The following NCOA6 variants were observed in gnomAD, a reference collection of about 807,000 sequenced individuals.
NCOA6 encodes NRC RAP250.
Under a neutral mutation model 171.4 loss-of-function variants are expected in NCOA6, and 49 were observed. The observed-to-expected ratio is 0.29, with a 90% CI of 0.23 to 0.36. The LOEUF (loss-of-function observed/expected upper bound fraction) is 0.36, where lower values mean the gene tolerates loss of function less well. NCOA6 is among the 10% of genes least tolerant of loss of function. NCOA6 has a pLI of 1.00. For synonymous variants in NCOA6, 910 were observed against 927.5 expected (o/e 0.98, Z 0.34); for missense variants, 2,248 against 2,554.5 (o/e 0.88, Z 2.59).
chr20:34,761,048 C>T (rs1262963231), intron 5 of NCOA6, among the ~76,000 whole-genome samples: 1 of 151,992 alleles, frequency 6.6e-6, no homozygotes, highest in Non-Finnish European at 1.5e-5. Flanking sequence ...TGGTAAAACC[C>T]CTGTCTCTAG....
intron 14 of NCOA6, among the ~76,000 whole-genome samples, chr20:34,722,254 G>A (rs1989462176): frequency 6.6e-6 from 1 of 151,416 alleles, no homozygotes; most frequent in South Asian, 2.1e-4. Flanking sequence ...GGTGGTACGC[G>A]CCTGTAATCC....
intron 1 of NCOA6, among the ~76,000 whole-genome samples, chr20:34,821,963 C>T (rs1409924850): frequency 6.6e-6 from 1 of 152,210 alleles, no homozygotes. Context: ...CTAAGCCACT[C>T]ACAATGTCAA....
chr20:34,754,302 T>C (rs2076580550), intron 8 of NCOA6, among the ~76,000 whole-genome samples: 1 of 152,240 alleles, frequency 6.6e-6, no homozygotes, highest in Admixed American at 6.5e-5. Context: ...CAGCAAACTA[T>C]GGCCCTCTGC....
chr20:34,753,793 T>C (rs2076565612), intron 8 of NCOA6, among the ~76,000 whole-genome samples: 1 of 152,218 alleles, frequency 6.6e-6, no homozygotes, highest in African/African-American at 2.4e-5. Flanking sequence ...TAGTGTGAAC[T>C]TTTTTTGTAA....
intron 1 of NCOA6, among the ~76,000 whole-genome samples, chr20:34,807,571 G>A (rs1362605765): frequency 2.0e-5 from 3 of 152,064 alleles, no homozygotes; most frequent in African/African-American, 7.2e-5. Flanking sequence ...TGTCGCTCAG[G>A]CTGGAGCACA....
intron 1 of NCOA6, among the ~76,000 whole-genome samples, chr20:34,802,075 C>CA (rs2078273198): frequency 2.0e-5 from 3 of 152,092 alleles, no homozygotes; most frequent in Admixed American, 2.0e-4. Context: ...ATACCAAAAG[C>CA]AAAGAAACAT....
chr20:34,719,400 G>A (rs1184269578), intron 14 of NCOA6, among the ~76,000 whole-genome samples: 1 of 152,116 alleles, frequency 6.6e-6, no homozygotes, highest in East Asian at 1.9e-4. Context: ...ATTAGCAGAG[G>A]TCGGCAGATC....
intron 14 of NCOA6, among the ~76,000 whole-genome samples, chr20:34,722,133 C>A (rs1989439812): frequency 6.8e-6 from 1 of 148,138 alleles, no homozygotes; most frequent in Non-Finnish European, 1.5e-5. Context: ...GTAATCCCAG[C>A]ACTTTGGGAG....
At chr20:34,825,118 C>T (rs970267893) in intron 1 of NCOA6, among the ~76,000 whole-genome samples, 3 of 152,090 alleles carry the variant, frequency 2.0e-5, no homozygotes, top group Non-Finnish European at 4.4e-5. Context: ...GACCGGCTCC[C>T]GCCTGTTCCC....
chr20:34,789,798 T>C (rs2146303357), intron 2 of NCOA6, among the ~76,000 whole-genome samples: 1 of 152,134 alleles, frequency 6.6e-6, no homozygotes, highest in Admixed American at 6.6e-5. Flanking sequence ...CTCAAAAAAA[T>C]TAAAAATGAC....
intron 4 of NCOA6, among the ~76,000 whole-genome samples, chr20:34,771,080 T>C (rs561261911): frequency 6.6e-6 from 1 of 152,358 alleles, no homozygotes; most frequent in South Asian, 2.1e-4. Flanking sequence ...TTTTACTTAA[T>C]ACATTCAATG....
At chr20:34,791,639 T>A (rs1344534859) in intron 2 of NCOA6, among the ~76,000 whole-genome samples, 1 of 152,156 alleles carries the variant, frequency 6.6e-6, no homozygotes, top group African/African-American at 2.4e-5. Flanking sequence ...AACTTGCAAA[T>A]GTCAGTGTCT....
chr20:34,731,911 C>G (rs1236980734), intron 13 of NCOA6, among the ~76,000 whole-genome samples: 1 of 152,196 alleles, frequency 6.6e-6, no homozygotes, highest in Non-Finnish European at 1.5e-5. Context: ...ATCCCAGCTA[C>G]TTGTGAGGCT....
At chr20:34,783,767 C>A (rs1009642160) in intron 2 of NCOA6, among the ~76,000 whole-genome samples, 14 of 152,074 alleles carry the variant, frequency 9.2e-5, no homozygotes, top group Non-Finnish European at 1.5e-4. Flanking sequence ...GGACTACAGG[C>A]AAGCACCATC....
At chr20:34,797,652 C>T (rs901661713) in intron 1 of NCOA6, among the ~76,000 whole-genome samples, 3 of 151,940 alleles carry the variant, frequency 2.0e-5, no homozygotes, top group African/African-American at 7.3e-5. Flanking sequence ...CTTTGGGAGG[C>T]CGAGGTGGGT....
chr20:34,811,558 C>T (rs1432128518), intron 1 of NCOA6, among the ~76,000 whole-genome samples: 1 of 151,988 alleles, frequency 6.6e-6, no homozygotes, highest in Admixed American at 6.6e-5. Flanking sequence ...CAATATGTAA[C>T]AGAAGTCTTT....
intron 14 of NCOA6, among the ~76,000 whole-genome samples, chr20:34,722,022 T>C (rs967587531): frequency 7.9e-6 from 1 of 126,652 alleles, no homozygotes; most frequent in Non-Finnish European, 1.6e-5. Context: ...GCCATTGCAC[T>C]CTAGCCTGGG....
At chr20:34,761,840 G>C (rs892725348) in intron 5 of NCOA6, among the ~76,000 whole-genome samples, 1 of 152,076 alleles carries the variant, frequency 6.6e-6, no homozygotes, top group Non-Finnish European at 1.5e-5. Flanking sequence ...ATTTTTAGTA[G>C]AGACGGGGTT....
chr20:34,801,163 T>C (rs1314749314), intron 1 of NCOA6, among the ~76,000 whole-genome samples: 3 of 152,140 alleles, frequency 2.0e-5, no homozygotes, highest in Admixed American at 6.5e-5. Flanking sequence ...AAATAAATTA[T>C]AATGAAAACA....
Sources: gnomAD v4.1 joint callset for allele counts (sites outside exome capture counted in the v4.1 genomes callset) on GRCh38, gnomAD v4.1.1 for gene constraint, MANE v1.5 for transcripts, NCBI Gene and HGNC (gene_info 2026-07-23, HGNC 2026-07-21) for gene names.